PIGN: variants seen among roughly 807,000 people sequenced by gnomAD.
The protein encoded by PIGN is phosphatidylinositol glycan anchor biosynthesis class N.
A neutral mutation model predicts 125.4 loss-of-function variants in PIGN; 117 were observed. The ratio of observed to expected loss-of-function variants is 0.93; its 90% CI spans 0.80 to 1.09. PIGN has a LOEUF of 1.09. Ranked by LOEUF, PIGN falls within the 50% of genes least tolerant of loss-of-function variation. PIGN has a pLI of 0.00. For synonymous variants in PIGN, 392 were observed against 377.8 expected (o/e 1.04, Z -0.44); for missense variants, 1,075 against 1,094.9 (o/e 0.98, Z 0.26).
intron 14 of PIGN, among the ~76,000 whole-genome samples, chr18:62,131,847 T>A: frequency 6.6e-6 from 1 of 152,068 alleles, no homozygotes; most frequent in South Asian, 2.1e-4. Flanking sequence ...CTGAACAAGA[T>A]AATGGAAAAA....
At chr18:62,156,911 A>C (rs1425375912) in intron 6 of PIGN, among the ~76,000 whole-genome samples, 1 of 152,170 alleles carries the variant, frequency 6.6e-6, no homozygotes, top group African/African-American at 2.4e-5. Flanking sequence ...ACTTAATTGA[A>C]TCCAAAATAC....
chr18:62,125,363 T>C (rs2035495760), intron 14 of PIGN, among the ~76,000 whole-genome samples: 1 of 152,116 alleles, frequency 6.6e-6, no homozygotes, highest in Non-Finnish European at 1.5e-5. Context: ...TTATAAACAT[T>C]ATTCTAAGAC....
chr18:62,182,163 T>C (rs2037740764), intron 1 of PIGN, among the ~76,000 whole-genome samples: 1 of 152,244 alleles, frequency 6.6e-6, no homozygotes, highest in Non-Finnish European at 1.5e-5. Context: ...AACTTGGTCC[T>C]CAGCTGTCTT....
chr18:62,111,001 G>A (rs1380054001), intron 16 of PIGN, among the ~76,000 whole-genome samples: 3 of 150,622 alleles, frequency 2.0e-5, no homozygotes, highest in South Asian at 2.1e-4. Context: ...TGATTACTTC[G>A]GCCTAATCTA....
intron 30 of PIGN, among the ~76,000 whole-genome samples, chr18:62,066,307 G>A (rs1414719811): frequency 6.6e-6 from 1 of 152,142 alleles, no homozygotes; most frequent in Non-Finnish European, 1.5e-5. Flanking sequence ...CTCAACCACT[G>A]ATCGACTCTG....
intron 16 of PIGN, chr18:62,112,474 GT>G (rs1389650696): frequency 1.3e-5 from 2 of 152,096 alleles, no homozygotes; most frequent in African/African-American, 4.8e-5. Context: ...TTTTAAAAGA[GT>G]AAAGTGTTTT....
intron 7 of PIGN, among the ~76,000 whole-genome samples, chr18:62,150,727 G>C (rs2036504324): frequency 6.6e-6 from 1 of 151,980 alleles, no homozygotes; most frequent in African/African-American, 2.4e-5. Context: ...TTGAGACGGA[G>C]TCTCACTCTG....
chr18:62,111,330 C>T (rs1039433593), intron 16 of PIGN, among the ~76,000 whole-genome samples: 5 of 152,052 alleles, frequency 3.3e-5, no homozygotes, highest in Admixed American at 1.3e-4. Flanking sequence ...CCCAGAAGAA[C>T]AGTACATCTT....
intron 20 of PIGN, among the ~76,000 whole-genome samples, chr18:62,104,225 C>A (rs967264188): frequency 1.3e-5 from 2 of 152,128 alleles, no homozygotes; most frequent in African/African-American, 4.8e-5. Context: ...AATTAGATTT[C>A]TCATATTTTA....
At chr18:62,126,635 C>G (rs1416763461) in intron 14 of PIGN, among the ~76,000 whole-genome samples, 1 of 152,082 alleles carries the variant, frequency 6.6e-6, no homozygotes, top group East Asian at 1.9e-4. Context: ...CTGTCCTTGC[C>G]CAATATTCCA....
At chr18:62,129,796 T>C (rs2035667064) in intron 14 of PIGN, among the ~76,000 whole-genome samples, 2 of 152,246 alleles carry the variant, frequency 1.3e-5, no homozygotes, top group African/African-American at 4.8e-5. Flanking sequence ...GCTGAAATGA[T>C]GACAAATGTA....
chr18:62,181,271 C>G lies in PIGN; in HGVS notation c.-236+5573G>C, dbSNP rs184179916. On this transcript the variant is annotated intron_variant, in intron 1 of 30. Transcript: ENST00000640252. ...TACCATATTTCTGAAAAGGATACAT[C>G]TCATAAATATCAGTATTAATAAAAA... 1.5e-3 allele frequency among the ~76,000 whole-genome samples: 230 copies of G among 152,214 alleles called. 1 individual carries two copies. Among genetic ancestry groups the G allele is most frequent in the African/African-American group, 5.2e-3 (214 of 41,534 alleles).
chr18:62,023,705 A>G (rs1182977774), intron 23 of PIGN, among the ~76,000 whole-genome samples: 2 of 152,186 alleles, frequency 1.3e-5, no homozygotes, highest in Non-Finnish European at 2.9e-5. Context: ...TCTTTTGATT[A>G]TCCATTGTGA....
intron 22 of PIGN, among the ~76,000 whole-genome samples, chr18:62,098,373 AAT>A (rs1161304276): frequency 6.6e-6 from 1 of 152,224 alleles, no homozygotes; most frequent in Admixed American, 6.5e-5. Flanking sequence ...ATAACATTTC[AAT>A]ATGTCTGATT....
At chr18:62,183,331 C>CT (rs2037783858) in intron 1 of PIGN, among the ~76,000 whole-genome samples, 1 of 152,084 alleles carries the variant, frequency 6.6e-6, no homozygotes, top group Non-Finnish European at 1.5e-5. Flanking sequence ...CTAACAAGGT[C>CT]TTTTATAGAC....
intron 23 of PIGN, among the ~76,000 whole-genome samples, chr18:62,026,261 T>C (rs2030116921): frequency 6.6e-6 from 1 of 152,152 alleles, no homozygotes; most frequent in Admixed American, 6.5e-5. Flanking sequence ...AATTTTGATG[T>C]TTAAACAAAA....
intron 1 of PIGN, among the ~76,000 whole-genome samples, chr18:62,180,247 A>G (rs1238610631): frequency 6.6e-6 from 1 of 152,248 alleles, no homozygotes; most frequent in African/African-American, 2.4e-5. Context: ...CTTCAGAAGT[A>G]GTACATGATT....
In PIGN at chr18:62,113,085, A is replaced by C. The variant is rs747644672; in HGVS notation, c.1434+49T>G. The C allele has an allele frequency of 6.7e-6, 9 of 1,352,322 alleles. No individual in the cohort carries two copies. The South Asian group carries it at 1.1e-4, about 17-fold the overall frequency. 83.8% of individuals were successfully genotyped at this position (1,352,322 alleles called of 1,614,324 possible). The stretch of plus-strand genomic sequence containing the variant: ...ATAAACTCATTACACTGGATTCAGT[A>C]CTAGTGATTTTATACCATCATCTGA... On this transcript the variant is annotated intron_variant, in intron 16 of 30. Coordinates refer to ENST00000640252, the MANE Select transcript of PIGN (RefSeq NM_176787.5).
intron 30 of PIGN, among the ~76,000 whole-genome samples, chr18:62,066,017 CCT>C (rs1052395064): frequency 1.1e-4 from 14 of 131,668 alleles, no homozygotes; most frequent in Non-Finnish European, 2.2e-4. Context: ...TAGCAAAAGC[CCT>C]TTTGGGTCTT....
Sources: gnomAD v4.1 joint callset for allele counts (sites outside exome capture counted in the v4.1 genomes callset) on GRCh38, gnomAD v4.1.1 for gene constraint, MANE v1.5 for transcripts, NCBI Gene and HGNC (gene_info 2026-07-23, HGNC 2026-07-21) for gene names.